NRXN1: variants seen among roughly 807,000 people sequenced by gnomAD.
The protein encoded by NRXN1 is neurexin 1, also known as neurexin-1.
NRXN1 carries 39 observed loss-of-function variants against 150.9 expected under a neutral mutation model. The observed-to-expected ratio is 0.26, with a 90% CI of 0.20 to 0.34. The LOEUF is 0.34. Ranked by LOEUF, NRXN1 falls within the 10% of genes least tolerant of loss-of-function variation. The pLI, the probability that NRXN1 is intolerant of heterozygous loss-of-function variation, is 1.00. For missense variants in NRXN1, 1,815 were observed against 1,949.9 expected (o/e 0.93, Z 1.30); for synonymous variants, 924 against 757.0 (o/e 1.22, Z -3.62).
At chr2:50,594,333 T>C (rs547262135) in intron 8 of NRXN1, among the ~76,000 whole-genome samples, 11 of 152,336 alleles carry the variant, frequency 7.2e-5, no homozygotes, top group Admixed American at 4.6e-4. Context: ...ATATCAGTCA[T>C]ATGGTCATAT....
At chr2:50,929,892 A>G (rs1016742927) in intron 2 of NRXN1, among the ~76,000 whole-genome samples, 1 of 152,094 alleles carries the variant, frequency 6.6e-6, no homozygotes, top group Non-Finnish European at 1.5e-5. Context: ...TGCTTCAAGC[A>G]CTGGGAAATG....
intron 2 of NRXN1, among the ~76,000 whole-genome samples, chr2:50,954,972 G>T (rs1271299195): frequency 1.3e-5 from 2 of 152,094 alleles, no homozygotes; most frequent in Non-Finnish European, 2.9e-5. Context: ...AACTCAACTG[G>T]CACTTACACA....
In NRXN1 at chr2:50,506,528, T is replaced by G. The variant is rs1242156463; in HGVS notation, c.2464A>C (p.Lys822Gln). 4 of 1,613,086 alleles carry G rather than the reference T, an allele frequency of 2.5e-6. No individual in the cohort carries two copies. Among genetic ancestry groups the G allele is most frequent in the Non-Finnish European group, 3.4e-6 (4 of 1,179,440 alleles). The change falls in exon 13 of 23, where the codon AAG (lysine) becomes CAG (glutamine). Residue 822 changes from lysine to glutamine, a missense_variant. Transcript: ENST00000401669. ...VRVVRRGKSLKLTVDDQQAMT... is the reference protein window; with the variant it reads ...VRVVRRGKSLQLTVDDQQAMT... ...GCCTGTTGGTCATCCACTGTTAACT[T>G]TAAACTTTTTCCACGCCGAACTACA...
intron 19 of NRXN1, among the ~76,000 whole-genome samples, chr2:50,060,902 C>G (rs1263103603): frequency 6.8e-6 from 1 of 148,104 alleles, no homozygotes; most frequent in East Asian, 1.9e-4. Flanking sequence ...AGTATTTCTT[C>G]AAAGCAGTAT....
In NRXN1 at chr2:50,426,486, C is replaced by G. The variant is rs796553879; in HGVS notation, c.3364+38956G>C. On this transcript the variant is annotated intron_variant, in intron 17 of 22. Transcript: ENST00000401669. The stretch of plus-strand genomic sequence containing the variant: ...TAGCATGCGTACTGCACAAATTCTA[C>G]AGCAACACAGTGTATTGTATTTTGT... Among the ~76,000 whole-genome samples, 10 of 152,298 alleles carry G rather than the reference C, an allele frequency of 6.6e-5. 1 individual carries two copies. The highest frequency in any genetic ancestry group is 2.4e-4 in the African/African-American group (10 of 41,568).
At chr2:50,830,383 A>G (rs1671246848) in intron 5 of NRXN1, among the ~76,000 whole-genome samples, 1 of 152,044 alleles carries the variant, frequency 6.6e-6, no homozygotes, top group South Asian at 2.1e-4. Flanking sequence ...GACATGACAC[A>G]GGGATTTTAT....
intron 18 of NRXN1, among the ~76,000 whole-genome samples, chr2:50,178,840 A>G (rs75392981): frequency 0.011 from 1,702 of 152,260 alleles, 36 homozygotes; most frequent in African/African-American, 0.039. Flanking sequence ...TGTAGCTGCC[A>G]AAGACACAAG....
chr2:50,175,520 T>G (rs561831943), intron 18 of NRXN1, among the ~76,000 whole-genome samples: 3 of 152,122 alleles, frequency 2.0e-5, no homozygotes, highest in East Asian at 3.9e-4. Context: ...CAATTTTTCT[T>G]CAAGCATTAA....
chr2:50,561,184 C>G (rs1669022061), intron 8 of NRXN1, among the ~76,000 whole-genome samples: 1 of 152,168 alleles, frequency 6.6e-6, no homozygotes, highest in South Asian at 2.1e-4. Context: ...TAGGTGCAAT[C>G]TGTAGAAGTT....
At position 50,533,906 on chromosome 2, in the gene NRXN1, T is replaced by C. The variant is rs571880846; in HGVS notation, c.2144-2476A>G. ...TGCTACCCACTCCAGTTATTCAATATATATTCATCATTTCACTTTGTTGAA... is the reference window on the plus strand; with the variant it reads ...TGCTACCCACTCCAGTTATTCAATACATATTCATCATTTCACTTTGTTGAA... On this transcript the variant is annotated intron_variant, in intron 10 of 22. Coordinates refer to ENST00000401669, the MANE Select transcript of NRXN1 (RefSeq NM_001330078.2). 2.8e-4 allele frequency among the ~76,000 whole-genome samples: 42 copies of C among 152,256 alleles called. No individual in the cohort carries two copies. The South Asian group carries it at 6.0e-3, about 22-fold the overall frequency.
chr2:50,506,742 GAAGA>G (rs1010498704), intron 12 of NRXN1, 125 bp from the exon 13 acceptor site: 2 of 963,966 alleles, frequency 2.1e-6, no homozygotes, highest in Admixed American at 2.6e-5. Context: ...AAGAAGAAAG[GAAGA>G]AAGAGAGAGA....
chr2:50,610,109 T>C (rs535373879), intron 8 of NRXN1, among the ~76,000 whole-genome samples: 1 of 152,270 alleles, frequency 6.6e-6, no homozygotes, highest in Non-Finnish European at 1.5e-5. Flanking sequence ...ACATAAGGAC[T>C]TTGATCCAAA....
At chr2:50,031,589 A>G (rs1273708450) in intron 21 of NRXN1, among the ~76,000 whole-genome samples, 1 of 152,048 alleles carries the variant, frequency 6.6e-6, no homozygotes, top group African/African-American at 2.4e-5. Flanking sequence ...AAGTAAACAA[A>G]TATTACTTTG....
intron 22 of NRXN1, among the ~76,000 whole-genome samples, chr2:49,924,059 C>A (rs906293952): frequency 2.6e-5 from 4 of 152,160 alleles, no homozygotes; most frequent in African/African-American, 9.7e-5. Context: ...ACCTGACAAA[C>A]CAAAGGCAGC....
intron 21 of NRXN1, among the ~76,000 whole-genome samples, chr2:50,049,584 G>T (rs1381311287): frequency 6.6e-6 from 1 of 151,988 alleles, no homozygotes; most frequent in Non-Finnish European, 1.5e-5. Flanking sequence ...TATTCTCGAA[G>T]GAAAGAACAA....
intron 2 of NRXN1, among the ~76,000 whole-genome samples, chr2:51,010,875 C>T (rs535365541): frequency 6.6e-6 from 1 of 151,852 alleles, no homozygotes; most frequent in Admixed American, 6.6e-5. Context: ...ACCTCTAACT[C>T]CCAGCCTCAA....
intron 2 of NRXN1, among the ~76,000 whole-genome samples, chr2:51,023,252 T>C (rs1030180487): frequency 3.3e-5 from 5 of 152,168 alleles, no homozygotes; most frequent in Non-Finnish European, 7.4e-5. Context: ...GATAATGCCA[T>C]CTTCCTCCCT....
At chr2:50,924,160 T>C (rs1686509034) in intron 3 of NRXN1, among the ~76,000 whole-genome samples, 3 of 151,880 alleles carry the variant, frequency 2.0e-5, no homozygotes, top group Admixed American at 6.6e-5. Context: ...AATGAGGAAA[T>C]TGTCTTGAAG....
Position 50,137,698 on chromosome 2 carries a change from G to A in NRXN1, c.3547-46204C>T, listed in dbSNP as rs73932948. Among the ~76,000 whole-genome samples, 1,403 of 152,174 alleles carry A rather than the reference G, an allele frequency of 9.2e-3. 19 individuals carry two copies. Among genetic ancestry groups the A allele is most frequent in the African/African-American group, 0.03 (1,248 of 41,498 alleles). Reference sequence around the variant, plus strand: ...TGTTTCAAAAAATAGCCTGCCTGCCGCTCATAAAATCATTAGCTGGAGAGA... The same window carrying A: ...TGTTTCAAAAAATAGCCTGCCTGCCACTCATAAAATCATTAGCTGGAGAGA... On this transcript the variant is annotated intron_variant, in intron 18 of 22. Coordinates refer to ENST00000401669, the MANE Select transcript of NRXN1 (RefSeq NM_001330078.2).
Sources: allele counts gnomAD v4.1 joint callset (sites outside exome capture counted in the v4.1 genomes callset), GRCh38; gene constraint gnomAD v4.1.1; transcripts MANE v1.5; gene names NCBI Gene and HGNC (gene_info 2026-07-23, HGNC 2026-07-21).